The following KCNQ5 variants were observed in gnomAD, a reference collection of about 807,000 sequenced individuals.
The protein encoded by KCNQ5 is potassium voltage-gated channel subfamily KQT member 5.
In KCNQ5, 30 loss-of-function variants were observed where a neutral mutation model predicts 98.2. The ratio of observed to expected loss-of-function variants is 0.31; its 90% CI spans 0.23 to 0.41. KCNQ5 has a LOEUF of 0.41. Among genes scored for constraint, KCNQ5 ranks in the 10% least tolerant of loss-of-function variants. KCNQ5 has a pLI of 1.00. For synonymous variants in KCNQ5, 458 were observed against 449.4 expected (o/e 1.02, Z -0.24); for missense variants, 835 against 1,182.5 (o/e 0.71, Z 4.31).
intron 1 of KCNQ5, among the ~76,000 whole-genome samples, chr6:72,771,758 G>A (rs1361740304): frequency 6.6e-6 from 1 of 150,924 alleles, no homozygotes; most frequent in African/African-American, 2.4e-5. Flanking sequence ...TTCTAAGTAG[G>A]AACTTTTTTT....
chr6:73,141,634 A>T (rs965794513), intron 10 of KCNQ5, among the ~76,000 whole-genome samples: 1 of 152,100 alleles, frequency 6.6e-6, no homozygotes, highest in Non-Finnish European at 1.5e-5. Flanking sequence ...AATGGATTTC[A>T]TCTCCTCCCT....
chr6:73,019,151 A>C (rs552808952), intron 2 of KCNQ5, among the ~76,000 whole-genome samples: 95 of 152,256 alleles, frequency 6.2e-4, no homozygotes, highest in Middle Eastern at 3.4e-3. Flanking sequence ...AGCTCTCTTC[A>C]CCTACATGTT....
At chr6:72,854,106 C>T (rs1777416046) in intron 1 of KCNQ5, among the ~76,000 whole-genome samples, 1 of 152,128 alleles carries the variant, frequency 6.6e-6, no homozygotes, top group Non-Finnish European at 1.5e-5. Flanking sequence ...CATGAGAACG[C>T]TTAAGAACCT....
chr6:72,773,283 A>G (rs1194269262), intron 1 of KCNQ5, among the ~76,000 whole-genome samples: 2 of 152,188 alleles, frequency 1.3e-5, no homozygotes, highest in Admixed American at 6.5e-5. Context: ...CATATACACC[A>G]TGGAATACTA....
rs114367934 is a variant in KCNQ5 at position 72,704,096 on chromosome 6, T to C, written c.398+81509T>C. 3.9e-3 allele frequency among the ~76,000 whole-genome samples: 598 copies of C among 152,332 alleles called. 4 individuals carry two copies. The highest frequency in any genetic ancestry group is 0.014 in the African/African-American group (564 of 41,580). ...AGGTGTTAATTTTGTTTTGGAATTT[T>C]TAACAACAGTTTCTGTTCTAGGGTT... On this transcript the variant is annotated intron_variant, in intron 1 of 13. Coordinates refer to ENST00000370398, the MANE Select transcript of KCNQ5 (RefSeq NM_019842.4).
At chr6:73,097,158 T>TATATATAC (rs978966757) in intron 5 of KCNQ5, among the ~76,000 whole-genome samples, 11 of 147,002 alleles carry the variant, frequency 7.5e-5, no homozygotes, top group African/African-American at 2.7e-4. Flanking sequence ...TATATATATA[T>TATATATAC]ACACACACAC....
intron 5 of KCNQ5, among the ~76,000 whole-genome samples, chr6:73,087,639 A>G (rs1774045121): frequency 6.6e-6 from 1 of 152,216 alleles, no homozygotes; most frequent in Non-Finnish European, 1.5e-5. Context: ...AAGTCTAAGA[A>G]GAATACAATT....
intron 1 of KCNQ5, among the ~76,000 whole-genome samples, chr6:72,926,660 A>T (rs1043837405): frequency 6.6e-6 from 1 of 152,176 alleles, no homozygotes; most frequent in Non-Finnish European, 1.5e-5. Context: ...TTTCTAAGGG[A>T]AAGATAAGAG....
rs962862226 is a variant in KCNQ5, at chr6:72,861,711, ATTC to A, written c.399-142189_399-142187del. The stretch of plus-strand genomic sequence containing the variant: ...ACCAAATTGTCTGTTGTAATTTTGA[ATTC>A]TTCTTCTGGAGAAGGCTCCCAAAAT... On this transcript the variant is annotated intron_variant, in intron 1 of 13. Transcript: ENST00000370398. 1.6e-4 allele frequency among the ~76,000 whole-genome samples: 25 copies of A among 152,040 alleles called. 1 individual carries two copies. The highest frequency in any genetic ancestry group is 5.9e-5 in the Non-Finnish European group (4 of 68,008).
chr6:72,799,250 C>T (rs1198255230), intron 1 of KCNQ5, among the ~76,000 whole-genome samples: 3 of 152,162 alleles, frequency 2.0e-5, no homozygotes, highest in Non-Finnish European at 4.4e-5. Context: ...TCTAAAGGAA[C>T]TCTTGGTTTT....
intron 2 of KCNQ5, among the ~76,000 whole-genome samples, chr6:73,033,313 T>C (rs1771234903): frequency 6.6e-6 from 1 of 152,124 alleles, no homozygotes; most frequent in South Asian, 2.1e-4. Context: ...AATCAGTCAT[T>C]TGGAATGGGG....
chr6:72,768,771 G>C (rs747485516), intron 1 of KCNQ5, among the ~76,000 whole-genome samples: 1 of 151,952 alleles, frequency 6.6e-6, no homozygotes, highest in Admixed American at 6.6e-5. Flanking sequence ...GTGTGTGTGC[G>C]TGTGCATTAA....
chr6:73,049,681 A>G (rs1482178470), intron 3 of KCNQ5, among the ~76,000 whole-genome samples: 2 of 152,182 alleles, frequency 1.3e-5, no homozygotes, highest in African/African-American at 2.4e-5. Context: ...TCTTTTCAAG[A>G]TCCGTATTTT....
At chr6:72,629,394 T>A (rs1199905790) in intron 1 of KCNQ5, among the ~76,000 whole-genome samples, 4 of 124,798 alleles carry the variant, frequency 3.2e-5, no homozygotes, top group Admixed American at 3.0e-4. Flanking sequence ...TGTTTCATAC[T>A]CTTCTAATCA....
intron 2 of KCNQ5, among the ~76,000 whole-genome samples, chr6:73,013,351 G>A (rs1770168686): frequency 6.6e-6 from 1 of 151,984 alleles, no homozygotes; most frequent in Non-Finnish European, 1.5e-5. Flanking sequence ...GTGAAACATT[G>A]GGCAGGAATA....
chr6:72,863,370 TCA>T (rs1302748170), intron 1 of KCNQ5, among the ~76,000 whole-genome samples: 2 of 152,226 alleles, frequency 1.3e-5, no homozygotes, highest in African/African-American at 4.8e-5. Context: ...ACACCATAAA[TCA>T]CACTCACTTT....
intron 1 of KCNQ5, among the ~76,000 whole-genome samples, chr6:72,861,594 C>T (rs1259646033): frequency 1.3e-5 from 2 of 152,120 alleles, no homozygotes; most frequent in African/African-American, 4.8e-5. Context: ...TGGATATCTT[C>T]CTCAGAAATG....
chr6:72,901,864 T>C (rs1779520351), intron 1 of KCNQ5, among the ~76,000 whole-genome samples: 1 of 152,164 alleles, frequency 6.6e-6, no homozygotes, highest in Non-Finnish European at 1.5e-5. Flanking sequence ...TTTATCATTG[T>C]TTTTTCTAAT....
chr6:72,749,319 C>T (rs965382243), intron 1 of KCNQ5, among the ~76,000 whole-genome samples: 1 of 151,998 alleles, frequency 6.6e-6, no homozygotes, highest in Non-Finnish European at 1.5e-5. Context: ...TTTAAAGCCA[C>T]CTGGTTATGA....
Sources: gnomAD v4.1 joint callset for allele counts (sites outside exome capture counted in the v4.1 genomes callset) on GRCh38, gnomAD v4.1.1 for gene constraint, MANE v1.5 for transcripts, NCBI Gene and HGNC (gene_info 2026-07-23, HGNC 2026-07-21) for gene names.